SAMD12: variants seen among roughly 807,000 people sequenced by gnomAD.
SAMD12 encodes sterile alpha motif domain containing 12, also known as sterile alpha motif domain-containing protein 12.
Under a neutral mutation model 15.0 loss-of-function variants are expected in SAMD12, and 9 were observed. That is an observed-to-expected ratio of 0.60 (90% CI 0.36 to 1.05). The LOEUF (loss-of-function observed/expected upper bound fraction) is 1.05. Ranked by LOEUF, SAMD12 falls within the 50% of genes least tolerant of loss-of-function variation. The probability of loss-of-function intolerance (pLI) is 0.01; values close to 1 mark genes in which losing one functional copy is unlikely to be tolerated. For synonymous variants in SAMD12, 86 were observed against 90.1 expected (o/e 0.96, Z 0.25); for missense variants, 230 against 234.2 (o/e 0.98, Z 0.12).
chr8:118,310,140 T>C (rs757595161), intron 4 of SAMD12, among the ~76,000 whole-genome samples: 2 of 152,216 alleles, frequency 1.3e-5, no homozygotes, highest in African/African-American at 4.8e-5. Flanking sequence ...TATGTGCCTC[T>C]TTAGACTCTA....
At chr8:118,381,715 C>A (rs909364810) in intron 3 of SAMD12, among the ~76,000 whole-genome samples, 3 of 152,172 alleles carry the variant, frequency 2.0e-5, no homozygotes, top group African/African-American at 7.2e-5. Context: ...CCATAGAAAG[C>A]AGCTCCACTA....
chr8:118,519,005 G>A (rs1403653560), intron 2 of SAMD12, among the ~76,000 whole-genome samples: 2 of 152,188 alleles, frequency 1.3e-5, no homozygotes, highest in East Asian at 3.8e-4. Context: ...AGATTTAAGA[G>A]GCAGGAGTCA....
In SAMD12 at chr8:118,255,803, C is replaced by T. The variant is rs552299500; in HGVS notation, c.434-58071G>A. Among the ~76,000 whole-genome samples, 40 of 151,988 alleles carry T rather than the reference C, an allele frequency of 2.6e-4. 1 individual carries two copies. Among genetic ancestry groups the T allele is most frequent in the East Asian group, 1.9e-3 (10 of 5,160 alleles). Reference sequence around the variant, plus strand: ...AAGTCTTTGCTATTGTGAATAGTGCCGCAATAAACATAAGTATGCATGTGT... The same window carrying T: ...AAGTCTTTGCTATTGTGAATAGTGCTGCAATAAACATAAGTATGCATGTGT... On this transcript the variant is annotated intron_variant, in intron 4 of 4. Transcript: ENST00000409003.
At chr8:118,570,972 C>T (rs752717553) in intron 2 of SAMD12, among the ~76,000 whole-genome samples, 20 of 152,160 alleles carry the variant, frequency 1.3e-4, no homozygotes, top group African/African-American at 2.7e-4. Flanking sequence ...CCTTACCTTC[C>T]GCCATTATTG....
At chr8:118,427,548 C>G (rs762439181) in intron 3 of SAMD12, among the ~76,000 whole-genome samples, 2 of 152,154 alleles carry the variant, frequency 1.3e-5, no homozygotes, top group Non-Finnish European at 2.9e-5. Context: ...ATTGGAATCA[C>G]ATAATATGTG....
At chr8:118,486,405 G>T (rs1450465949) in intron 2 of SAMD12, among the ~76,000 whole-genome samples, 2 of 140,330 alleles carry the variant, frequency 1.4e-5, no homozygotes, top group East Asian at 2.2e-4. Context: ...GACAGAGAGA[G>T]AATCCGTCTA....
chr8:118,443,291 C>T (rs890446433), intron 2 of SAMD12, among the ~76,000 whole-genome samples: 1 of 152,068 alleles, frequency 6.6e-6, no homozygotes, highest in African/African-American at 2.4e-5. Flanking sequence ...TGGTGAAACC[C>T]CATCTCTACT....
chr8:118,550,252 GA>G (rs1202794549), intron 2 of SAMD12, among the ~76,000 whole-genome samples: 1 of 152,136 alleles, frequency 6.6e-6, no homozygotes, highest in African/African-American at 2.4e-5. Flanking sequence ...TGAAATGAAG[GA>G]AAAAATGTTA....
chr8:118,325,683 A>G (rs1220546164), intron 4 of SAMD12, among the ~76,000 whole-genome samples: 4 of 152,158 alleles, frequency 2.6e-5, no homozygotes, highest in Admixed American at 1.3e-4. Context: ...TCTTATCATG[A>G]CTGAAAGCAT....
At chr8:118,561,371 C>T (rs1373329244) in intron 2 of SAMD12, among the ~76,000 whole-genome samples, 1 of 152,102 alleles carries the variant, frequency 6.6e-6, no homozygotes, top group Admixed American at 6.5e-5. Flanking sequence ...TATAAATATA[C>T]AAAACTTTAA....
intron 3 of SAMD12, among the ~76,000 whole-genome samples, chr8:118,401,395 T>C (rs1820863242): frequency 6.6e-6 from 1 of 152,186 alleles, no homozygotes; most frequent in Admixed American, 6.6e-5. Flanking sequence ...TTATTTATTT[T>C]AGAGACAGGG....
At chr8:118,349,569 T>C (rs1269477293) in intron 4 of SAMD12, among the ~76,000 whole-genome samples, 1 of 152,176 alleles carries the variant, frequency 6.6e-6, no homozygotes, top group East Asian at 1.9e-4. Flanking sequence ...AGTCAGACTC[T>C]AGAACATTCT....
At chr8:118,350,664 C>CTATT (rs1401091485) in intron 4 of SAMD12, among the ~76,000 whole-genome samples, 1 of 152,150 alleles carries the variant, frequency 6.6e-6, no homozygotes, top group East Asian at 1.9e-4. Flanking sequence ...CAGTGTTGGA[C>CTATT]AAATGTCTAT....
chr8:118,540,986 G>C (rs1244499368), intron 2 of SAMD12, among the ~76,000 whole-genome samples: 3 of 152,172 alleles, frequency 2.0e-5, no homozygotes, highest in Non-Finnish European at 4.4e-5. Context: ...CTGGGAGAGA[G>C]AACAAGAGTT....
At chr8:118,580,036 A>G (rs916808025) in intron 2 of SAMD12, among the ~76,000 whole-genome samples, 2 of 152,112 alleles carry the variant, frequency 1.3e-5, no homozygotes, top group Non-Finnish European at 2.9e-5. Context: ...TCTGTTACCT[A>G]TGTTTAGGTT....
exon 5 of SAMD12, chr8:118,190,718 G>C (rs1039793674): frequency 2.0e-5 from 3 of 152,132 alleles, no homozygotes; most frequent in Non-Finnish European, 4.4e-5. Context: ...GCACAGTATA[G>C]CTTCTTCCCT....
In SAMD12 at chr8:118,540,124, A is replaced by G. The variant is rs143138358; in HGVS notation, c.192+40591T>C. Among the ~76,000 whole-genome samples the G allele has an allele frequency of 1.3e-3, 201 of 152,242 alleles. 1 individual carries two copies. Among genetic ancestry groups the G allele is most frequent in the Non-Finnish European group, 2.4e-3 (163 of 68,012 alleles). The stretch of plus-strand genomic sequence containing the variant: ...CCAGAAACACATTAATCCTCTATCT[A>G]TGAGAATCTCACACTTTCAGCTGTT... On this transcript the variant is annotated intron_variant, in intron 2 of 3. Transcript: ENST00000314727.
At chr8:118,380,986 G>A (rs532545896) in intron 3 of SAMD12, among the ~76,000 whole-genome samples, 73 of 152,164 alleles carry the variant, frequency 4.8e-4, no homozygotes, top group Non-Finnish European at 9.7e-4. Flanking sequence ...ACAAGAGGGA[G>A]GAGAGAAGGT....
chr8:118,481,795 A>G (rs1824135929), intron 2 of SAMD12, among the ~76,000 whole-genome samples: 1 of 152,216 alleles, frequency 6.6e-6, no homozygotes, highest in South Asian at 2.1e-4. Context: ...ATAAAACTCC[A>G]AAATACAGGG....
Sources: gnomAD v4.1 joint callset for allele counts (sites outside exome capture counted in the v4.1 genomes callset) on GRCh38, gnomAD v4.1.1 for gene constraint, MANE v1.5 for transcripts, NCBI Gene and HGNC (gene_info 2026-07-23, HGNC 2026-07-21) for gene names.